The following WASF2 variants were observed in gnomAD, a reference collection of about 807,000 sequenced individuals.
WASF2 encodes the protein WASP family member 2.
WASF2 carries 14 observed loss-of-function variants against 45.0 expected under a neutral mutation model. The ratio of observed to expected loss-of-function variants is 0.31; its 90% confidence interval spans 0.21 to 0.49. The LOEUF (loss-of-function observed/expected upper bound fraction) is 0.49. Among genes scored for constraint, WASF2 ranks in the 20% least tolerant of loss-of-function variants. The pLI is 0.99. For synonymous variants in WASF2, 200 were observed against 236.3 expected (o/e 0.85, Z 1.41); for missense variants, 439 against 636.1 (o/e 0.69, Z 3.33).
intron 1 of WASF2, among the ~76,000 whole-genome samples, chr1:27,484,747 G>T (rs1177155980): frequency 1.3e-5 from 2 of 149,864 alleles, no homozygotes; most frequent in Non-Finnish European, 2.9e-5. Flanking sequence ...GGGAGGCGGA[G>T]GTTGCAGTTA....
intron 1 of WASF2, among the ~76,000 whole-genome samples, chr1:27,474,706 A>C (rs2017741283): frequency 6.6e-6 from 1 of 151,874 alleles, no homozygotes; most frequent in Non-Finnish European, 1.5e-5. Flanking sequence ...CAGGAGGCAG[A>C]GGTTGCAGTG....
At chr1:27,418,866 CG>C (rs1248590881) in intron 3 of WASF2, 87 bp downstream of exon 3, 7 of 1,261,036 alleles carry the variant, frequency 5.6e-6, no homozygotes, top group Admixed American at 2.4e-5. Context: ...TCTCTCCTCA[CG>C]TTTTTTTTTT....
chr1:27,486,753 A>C (rs945611389), intron 1 of WASF2, among the ~76,000 whole-genome samples: 4 of 151,914 alleles, frequency 2.6e-5, no homozygotes, highest in Non-Finnish European at 4.4e-5. Flanking sequence ...GCAAAACCCT[A>C]TCTCTACTAA....
chr1:27,415,973 C>T lies in WASF2; in HGVS notation c.537+12G>A, dbSNP rs2148101855. Reference sequence around the variant, plus strand: ...CTACTGATGTGGAGAACAGAGGCCCCTTTCCCCTCACCCTATGCTTTCTCT... The same window carrying T: ...CTACTGATGTGGAGAACAGAGGCCCTTTTCCCCTCACCCTATGCTTTCTCT... On this transcript the variant is annotated intron_variant, in intron 5 of 8. Transcript: ENST00000618852. 2 of 1,609,440 alleles carry T rather than the reference C, an allele frequency of 1.2e-6. No homozygotes were observed. Among genetic ancestry groups the T allele is most frequent in the East Asian group, 2.2e-5 (1 of 44,858 alleles).
chr1:27,472,854 C>T (rs2017710117), intron 1 of WASF2, among the ~76,000 whole-genome samples: 1 of 149,404 alleles, frequency 6.7e-6, no homozygotes. Flanking sequence ...AGCCTGTAGC[C>T]CTAGCTACTT....
At chr1:27,420,897 A>C (rs1423543312) in intron 2 of WASF2, among the ~76,000 whole-genome samples, 1 of 152,088 alleles carries the variant, frequency 6.6e-6, no homozygotes, top group African/African-American at 2.4e-5. Context: ...TCTTTTTTTG[A>C]GAACTATTTA....
chr1:27,460,108 T>C (rs1044843908), intron 1 of WASF2, among the ~76,000 whole-genome samples: 2 of 152,196 alleles, frequency 1.3e-5, no homozygotes, highest in Non-Finnish European at 1.5e-5. Context: ...CTATAGGAAG[T>C]TGATGACAGT....
intron 2 of WASF2, among the ~76,000 whole-genome samples, chr1:27,420,818 C>T (rs925691688): frequency 2.0e-4 from 30 of 152,016 alleles, no homozygotes; most frequent in African/African-American, 5.6e-4. Flanking sequence ...CCACCACGCC[C>T]GGGCCTACCA....
At chr1:27,477,617 C>CTAGGATATTAGAAAT (rs541024782) in intron 1 of WASF2, among the ~76,000 whole-genome samples, 2 of 148,060 alleles carry the variant, frequency 1.4e-5, no homozygotes, top group South Asian at 2.2e-4. Context: ...ATAAATAAAT[C>CTAGGATATTAGAAAT]GGCCGGGCGC....
chr1:27,440,305 C>T (rs2017192377), intron 1 of WASF2, among the ~76,000 whole-genome samples: 1 of 152,182 alleles, frequency 6.6e-6, no homozygotes, highest in Admixed American at 6.5e-5. Context: ...GAGTGGATCG[C>T]TTGAGCTCAC....
At chr1:27,449,719 C>T (rs774623051) in intron 1 of WASF2, among the ~76,000 whole-genome samples, 3 of 152,066 alleles carry the variant, frequency 2.0e-5, no homozygotes, top group Non-Finnish European at 4.4e-5. Flanking sequence ...AGCACTGTTT[C>T]CTGAGAGAAG....
Position 27,410,205 on chromosome 1 carries a change from A to G in WASF2, c.826T>C (p.Tyr276His), listed in dbSNP as rs765740950. ...NLPPPPAEFS[Y>H]PVDNQRGSGL... ...GATCCTCTTTGGTTGTCCACTGGGT[A>G]ACTAAAAGGCCAAAGAAAAAAAGAC... is the stretch of plus-strand genomic sequence containing the variant. The change falls in exon 8 of 9, where the codon TAC (tyrosine) becomes CAC (histidine). Residue 276 changes from tyrosine to histidine, a missense_variant and splice_region_variant. Physicochemically the swap from Tyr to His is moderately conservative, Grantham distance 83. Around this residue, in one of 5 missense-constraint regions of WASF2, gnomAD observed 286 missense variants for 373.5 expected, o/e 0.77. Coordinates refer to ENST00000618852, the MANE Select transcript of WASF2 (RefSeq NM_006990.5). The surrounding 1 kb of genome is among the most constrained non-coding windows in gnomAD (Gnocchi z 4.2). 1.2e-6 allele frequency: 2 copies of G among 1,614,014 alleles called. No homozygotes were observed. The highest frequency in any genetic ancestry group is 1.3e-5 in the African/African-American group (1 of 74,904).
At chr1:27,483,883 G>A (rs1390816375) in intron 1 of WASF2, among the ~76,000 whole-genome samples, 2 of 151,746 alleles carry the variant, frequency 1.3e-5, no homozygotes, top group African/African-American at 4.8e-5. Flanking sequence ...TTGAGCCTAG[G>A]AGGTTGAGGC....
intron 1 of WASF2, among the ~76,000 whole-genome samples, chr1:27,433,656 C>G (rs1391972127): frequency 6.6e-6 from 1 of 152,200 alleles, no homozygotes; most frequent in Non-Finnish European, 1.5e-5. Flanking sequence ...AATGTAAAGG[C>G]CCACCCTACC....
intron 1 of WASF2, chr1:27,457,208 G>T (rs1053924181): frequency 3.3e-5 from 5 of 151,896 alleles, no homozygotes; most frequent in Non-Finnish European, 7.4e-5. Context: ...ACATCATCTT[G>T]GTAAGTTATC....
intron 1 of WASF2, among the ~76,000 whole-genome samples, chr1:27,487,666 T>A (rs575514356): frequency 0.014 from 1,412 of 104,586 alleles, 17 homozygotes; most frequent in Non-Finnish European, 0.021. Flanking sequence ...TAATATATAT[T>A]ATATATATTT....
chr1:27,418,180 C>G, intron 4 of WASF2, 89 bp downstream of exon 4: 2 of 1,434,512 alleles, frequency 1.4e-6, no homozygotes, highest in Non-Finnish European at 1.9e-6. Flanking sequence ...TAGATACAAT[C>G]CTCTGATGGA....
rs2016805748 is a variant in WASF2, at chr1:27,414,766, G to C, written c.668+67C>G. 1 of 1,582,388 alleles carries C rather than the reference G, an allele frequency of 6.3e-7. No individual in the cohort carries two copies. ...AGGGGGTGTGAAAGGTGTCACACCAGAGCTGTCAGACTGTTGTCCCCAGCC... is the reference window on the plus strand; with the variant it reads ...AGGGGGTGTGAAAGGTGTCACACCACAGCTGTCAGACTGTTGTCCCCAGCC... On this transcript the variant is annotated intron_variant, in intron 6 of 8. Transcript: ENST00000618852. The surrounding 1 kb of genome is among the most constrained non-coding windows in gnomAD (Gnocchi z 4.1).
chr1:27,481,721 C>T (rs1310811756), intron 1 of WASF2, among the ~76,000 whole-genome samples: 3 of 150,658 alleles, frequency 2.0e-5, no homozygotes, highest in Admixed American at 6.6e-5. Context: ...AAGACTCCAT[C>T]TCAAAAAAAA....
Sources: gnomAD v4.1 joint callset for allele counts (sites outside exome capture counted in the v4.1 genomes callset) on GRCh38, gnomAD v4.1.1 for gene constraint, gnomAD v4.1.1 regional missense constraint, Gnocchi (gnomAD v3.1) non-coding constraint, MANE v1.5 for transcripts, NCBI Gene and HGNC (gene_info 2026-07-23, HGNC 2026-07-21) for gene names.